The following COG7 variants were observed in gnomAD, a reference collection of about 807,000 sequenced individuals.
COG7 encodes component of oligomeric golgi complex 7, also known as conserved oligomeric Golgi complex subunit 7.
A neutral mutation model predicts 91.5 loss-of-function variants in COG7; 49 were observed. The observed-to-expected ratio is 0.54, with a 90% CI of 0.43 to 0.68. The LOEUF is 0.68. Ranked by LOEUF, COG7 falls within the 30% of genes least tolerant of loss-of-function variation. The probability of loss-of-function intolerance (pLI) is 0.00; values close to 1 mark genes in which losing one functional copy is unlikely to be tolerated. For missense variants in COG7, 895 were observed against 961.3 expected (o/e 0.93, Z 0.91); for synonymous variants, 365 against 388.7 (o/e 0.94, Z 0.72).
At chr16:23,435,624 C>G (rs960181605) in intron 4 of COG7, among the ~76,000 whole-genome samples, 4 of 151,908 alleles carry the variant, frequency 2.6e-5, no homozygotes, top group African/African-American at 9.7e-5. Context: ...TCCTGTCCGC[C>G]CCCTTCTGGC....
chr16:23,402,942 CA>C (rs1963401752), intron 13 of COG7, among the ~76,000 whole-genome samples: 1 of 152,182 alleles, frequency 6.6e-6, no homozygotes, highest in African/African-American at 2.4e-5. Context: ...TTGATTTTGC[CA>C]GATGAGTTCT....
chr16:23,424,272 G>A (rs201877035), intron 7 of COG7, among the ~76,000 whole-genome samples: 1 of 149,080 alleles, frequency 6.7e-6, no homozygotes, highest in African/African-American at 2.5e-5. Context: ...ACTCCAGCCT[G>A]GGCAACAAGA....
intron 1 of COG7, among the ~76,000 whole-genome samples, chr16:23,447,767 G>C (rs2142097694): frequency 6.6e-6 from 1 of 151,788 alleles, no homozygotes; most frequent in East Asian, 1.9e-4. Flanking sequence ...GGGTGTGGTG[G>C]TGTGTGCCTG....
At chr16:23,446,064 A>G (rs117136814) in intron 1 of COG7, 103 bp from the exon 2 acceptor site, 107 of 1,389,740 alleles carry the variant, frequency 7.7e-5, no homozygotes, top group Non-Finnish European at 1.0e-4. Context: ...ATCAGACAAC[A>G]GAAAGGAAAT....
chr16:23,416,695 T>A, intron 9 of COG7: 1 of 498,130 alleles, frequency 2.0e-6, no homozygotes, highest in East Asian at 3.7e-5. Flanking sequence ...GTTTCTTTTT[T>A]TTTCTTAACA....
At chr16:23,441,246 G>A (rs1017953243) in intron 4 of COG7, among the ~76,000 whole-genome samples, 11 of 152,144 alleles carry the variant, frequency 7.2e-5, no homozygotes, top group African/African-American at 1.2e-4. Context: ...CAAACTATGC[G>A]CCAGCAGGCC....
Position 23,424,854 on chromosome 16 carries a change from C to G in COG7, c.904G>C (p.Val302Leu), listed in dbSNP as rs116314856. The stretch of plus-strand genomic sequence containing the variant: ...TCCTGCTCGGGCCCTGCCCTCTCCA[C>G]GCCGTTGCTGAGGCAGGAGGGCAGC... ...PSLPSCLSNG[V>L]ERAGPEQELT... The change falls in exon 7 of 17, where the codon GTG (valine) becomes CTG (leucine). Residue 302 changes from valine (V) to leucine (L), a missense_variant. Physicochemically the swap from Val to Leu is conservative, Grantham distance 32. Coordinates refer to ENST00000307149, the MANE Select transcript of COG7 (RefSeq NM_153603.4). 16 of 1,614,208 alleles carry G rather than the reference C, an allele frequency of 9.9e-6. No individual in the cohort carries two copies. The highest frequency in any genetic ancestry group is 1.4e-5 in the Non-Finnish European group (16 of 1,180,032).
intron 13 of COG7, 142 bp downstream of exon 13, chr16:23,403,552 G>T: frequency 1.0e-6 from 1 of 976,104 alleles, no homozygotes; most frequent in South Asian, 1.4e-5. Flanking sequence ...GGTGAAATTG[G>T]AAAGTGGCTC....
intron 14 of COG7, chr16:23,394,777 C>T (rs1963257945): frequency 6.6e-6 from 1 of 152,008 alleles, no homozygotes; most frequent in Admixed American, 6.6e-5. Flanking sequence ...TGTAAACATC[C>T]ATTATTAGTT....
chr16:23,392,124 A>G, intron 16 of COG7: 3 of 1,374,798 alleles, frequency 2.2e-6, no homozygotes, highest in Non-Finnish European at 2.8e-6. Flanking sequence ...GCTGAATCTT[A>G]TCTCACTGAA....
chr16:23,407,400 C>G (rs1460506838), intron 11 of COG7, among the ~76,000 whole-genome samples: 2 of 152,194 alleles, frequency 1.3e-5, no homozygotes, highest in East Asian at 1.9e-4. Context: ...GCTTCCCCTT[C>G]CTCTAGTCCT....
Position 23,388,882 on chromosome 16 carries a change from C to G in COG7, c.*38G>C, listed in dbSNP as rs772974898. Reference sequence around the variant, plus strand: ...TCTGTGCTGGTGAGTCGCGAAACAGCAGCCCTGGCTCTCTTGGTGGTCCGG... The same window carrying G: ...TCTGTGCTGGTGAGTCGCGAAACAGGAGCCCTGGCTCTCTTGGTGGTCCGG... On this transcript the variant is annotated 3_prime_UTR_variant, in exon 17 of 17. Coordinates refer to ENST00000307149, the MANE Select transcript of COG7 (RefSeq NM_153603.4). 1 of 1,612,550 alleles carries G rather than the reference C, an allele frequency of 6.2e-7. No homozygotes were observed. The highest frequency in any genetic ancestry group is 8.5e-7 in the Non-Finnish European group (1 of 1,179,612).
intron 14 of COG7, chr16:23,395,011 G>T (rs888414547): frequency 3.3e-5 from 5 of 152,106 alleles, no homozygotes; most frequent in African/African-American, 1.2e-4. Flanking sequence ...GTTTTACCAT[G>T]TTGGCCAGGC....
rs550236062 is a variant in COG7 at position 23,394,025 on chromosome 16, C to T, written c.1888-678G>A. Reference sequence around the variant, plus strand: ...GCCATTGCACTGCAGCCTGGGCAGACTCTGTCTCAAAAAAAAAGAGACTCT... The same window carrying T: ...GCCATTGCACTGCAGCCTGGGCAGATTCTGTCTCAAAAAAAAAGAGACTCT... On this transcript the variant is annotated intron_variant, in intron 14 of 16. Coordinates refer to ENST00000307149, the MANE Select transcript of COG7 (RefSeq NM_153603.4). Among the ~76,000 whole-genome samples the T allele has an allele frequency of 2.7e-5, 4 of 146,120 alleles. No homozygotes were observed. In the South Asian group the frequency reaches 8.9e-4, roughly 32 times the overall value.
At chr16:23,399,687 T>C (rs151035975) in intron 13 of COG7, among the ~76,000 whole-genome samples, 5 of 151,886 alleles carry the variant, frequency 3.3e-5, no homozygotes, top group Admixed American at 6.6e-5. Flanking sequence ...CGGCTGGCCA[T>C]AGGATGTATG....
At chr16:23,396,634 G>T (rs149159284) in intron 14 of COG7, among the ~76,000 whole-genome samples, 1 of 151,898 alleles carries the variant, frequency 6.6e-6, no homozygotes, top group Non-Finnish European at 1.5e-5. Context: ...GGCCAAGATC[G>T]CGCCACTGCA....
In COG7 at chr16:23,397,371, C is replaced by T. The variant is rs77682675; in HGVS notation, c.1887+675G>A. On this transcript the variant is annotated intron_variant, in intron 14 of 16. Coordinates refer to ENST00000307149, the MANE Select transcript of COG7 (RefSeq NM_153603.4). ...GGTGAGTGTGGTTTGGCACATATTA[C>T]TCCTCTATAGTGTTTCTTGTGCGCA... Among the ~76,000 whole-genome samples, 198 of 152,160 alleles carry T rather than the reference C, an allele frequency of 1.3e-3. 3 individuals carry two copies. In the South Asian group the frequency reaches 0.027, roughly 21 times the overall value.
chr16:23,426,088 C>T (rs765991004), intron 6 of COG7, among the ~76,000 whole-genome samples: 1 of 152,018 alleles, frequency 6.6e-6, no homozygotes, highest in Non-Finnish European at 1.5e-5. Flanking sequence ...TGGTGGTGCA[C>T]GACTGTAATC....
intron 13 of COG7, among the ~76,000 whole-genome samples, chr16:23,400,868 G>T (rs1963363481): frequency 1.3e-5 from 2 of 151,900 alleles, no homozygotes; most frequent in Middle Eastern, 3.2e-3. Flanking sequence ...TACTTGGGAG[G>T]CTGAGGCATG....
Sources: allele counts gnomAD v4.1 joint callset (sites outside exome capture counted in the v4.1 genomes callset), GRCh38; gene constraint gnomAD v4.1.1; transcripts MANE v1.5; gene names NCBI Gene and HGNC (gene_info 2026-07-23, HGNC 2026-07-21).